Variants in GASK1A observed in about 807,000 individuals in gnomAD.
The protein encoded by GASK1A is Golgi-associated kinase 1A.
Under a neutral mutation model 41.2 loss-of-function variants are expected in GASK1A, and 40 were observed. The observed-to-expected ratio is 0.97, with a 90% CI of 0.75 to 1.27. The LOEUF (loss-of-function observed/expected upper bound fraction) is 1.27. GASK1A is among the 50% of genes most tolerant of loss of function. The pLI, the probability that GASK1A is intolerant of heterozygous loss-of-function variation, is 0.00. For synonymous variants in GASK1A, 316 were observed against 307.1 expected (o/e 1.03, Z -0.30); for missense variants, 678 against 745.1 (o/e 0.91, Z 1.05).
intron 2 of GASK1A, 131 bp from the exon 3 acceptor site, chr3:43,053,390 G>C (rs1383714644): frequency 6.8e-6 from 7 of 1,027,670 alleles, no homozygotes; most frequent in Non-Finnish European, 9.7e-6. Flanking sequence ...CCAGCACAGA[G>C]AACCAGTGAG....
rs1464366951 is a variant in GASK1A, at chr3:43,043,213, T to A, written c.1290+9660T>A. The stretch of plus-strand genomic sequence containing the variant: ...TCCCAGGCCTGTGACTGCTCCCAGT[T>A]TGGGGAAGTGTCTCTGCGCTAGGGG... On this transcript the variant is annotated intron_variant, in intron 2 of 4. Transcript: ENST00000430121. Among the ~76,000 whole-genome samples, 6 of 152,064 alleles carry A rather than the reference T, an allele frequency of 3.9e-5. No homozygotes were observed. In the South Asian group the frequency reaches 1.0e-3, roughly 26 times the overall value.
intron 1 of GASK1A, among the ~76,000 whole-genome samples, chr3:43,019,617 T>C (rs1575443662): frequency 2.0e-5 from 3 of 152,196 alleles, no homozygotes; most frequent in African/African-American, 7.2e-5. Context: ...CCCAAATCTT[T>C]GCCAGTTTAA....
chr3:43,004,396 G>A (rs1163490290), intron 1 of GASK1A, among the ~76,000 whole-genome samples: 1 of 152,142 alleles, frequency 6.6e-6, no homozygotes, highest in African/African-American at 2.4e-5. Context: ...GGATGACTAG[G>A]TTAACTGATC....
rs779035321 is a variant in GASK1A at position 43,055,548 on chromosome 3, AG to A, written c.1517+16del. ...AGGGCATAGATGGGTGAGGGTCAAA[AG>A]GGTTGGGTGGAAGTTCATGGGACTG... On this transcript the variant is annotated intron_variant, in intron 4 of 4. Transcript: ENST00000430121. 1.2e-5 allele frequency: 18 copies of A among 1,542,022 alleles called. No homozygotes were observed. Among genetic ancestry groups the A allele is most frequent in the Middle Eastern group, 3.4e-4 (2 of 5,848 alleles).
At chr3:42,989,152 C>T (rs2089327955) in intron 1 of GASK1A, among the ~76,000 whole-genome samples, 4 of 151,924 alleles carry the variant, frequency 2.6e-5, no homozygotes, top group Admixed American at 2.6e-4. Context: ...AACTGCAGCC[C>T]AGGGATAATG....
chr3:42,994,545 C>A (rs1043596645), intron 1 of GASK1A, among the ~76,000 whole-genome samples: 1 of 152,022 alleles, frequency 6.6e-6, no homozygotes, highest in Admixed American at 6.6e-5. Context: ...TTTCTGGAGG[C>A]CTCCGATGCA....
chr3:43,043,305 A>C (rs1160301839), intron 2 of GASK1A, among the ~76,000 whole-genome samples: 1 of 152,178 alleles, frequency 6.6e-6, no homozygotes, highest in Admixed American at 6.5e-5. Flanking sequence ...GCACTGCTTG[A>C]GGAGTCTTGG....
intron 1 of GASK1A, among the ~76,000 whole-genome samples, chr3:43,012,883 G>T (rs1451814617): frequency 6.6e-6 from 1 of 150,724 alleles, no homozygotes; most frequent in East Asian, 2.0e-4. Context: ...ACAGGAAGGG[G>T]CTATGTGAAG....
At chr3:42,997,435 A>C (rs200070631) in intron 1 of GASK1A, among the ~76,000 whole-genome samples, 1 of 84,236 alleles carries the variant, frequency 1.2e-5, no homozygotes, top group Admixed American at 1.4e-4. Flanking sequence ...AGAGACAGAG[A>C]GAGGGGGGGG....
intron 1 of GASK1A, among the ~76,000 whole-genome samples, chr3:42,988,022 G>T (rs1201435106): frequency 8.2e-5 from 7 of 85,806 alleles, no homozygotes; most frequent in African/African-American, 1.4e-4. Context: ...GATGGGGGTA[G>T]GATAGAGAGA....
intron 1 of GASK1A, among the ~76,000 whole-genome samples, chr3:43,023,664 A>C (rs1207514686): frequency 2.6e-5 from 4 of 152,224 alleles, no homozygotes; most frequent in Non-Finnish European, 5.9e-5. Context: ...TATAGACCAA[A>C]TTAAAAGCAT....
At chr3:43,025,291 C>A (rs2089541590) in intron 1 of GASK1A, among the ~76,000 whole-genome samples, 1 of 152,156 alleles carries the variant, frequency 6.6e-6, no homozygotes, top group African/African-American at 2.4e-5. Context: ...GAAAAATTTG[C>A]AAGACTTAGA....
chr3:43,016,301 C>G (rs541830492), intron 1 of GASK1A, among the ~76,000 whole-genome samples: 16 of 144,930 alleles, frequency 1.1e-4, no homozygotes, highest in Non-Finnish European at 2.3e-4. Context: ...CTGTGTGAAG[C>G]CATAGGTAGG....
chr3:43,055,349 C>T, intron 3 of GASK1A, 83 bp from the exon 4 acceptor site: 1 of 939,246 alleles, frequency 1.1e-6, no homozygotes, highest in Non-Finnish European at 1.7e-6. Context: ...GGCTGTCAGC[C>T]CCTTAATCTT....
At chr3:42,996,819 A>G (rs1270434588) in intron 1 of GASK1A, among the ~76,000 whole-genome samples, 1 of 152,218 alleles carries the variant, frequency 6.6e-6, no homozygotes, top group Non-Finnish European at 1.5e-5. Context: ...TGGGTGTAGG[A>G]TACTCAGTTC....
intron 1 of GASK1A, among the ~76,000 whole-genome samples, chr3:42,980,788 C>G (rs569076380): frequency 6.6e-6 from 1 of 152,098 alleles, no homozygotes; most frequent in South Asian, 2.1e-4. Flanking sequence ...TTTCTCAAAG[C>G]TGCTAAGAGA....
rs71615418 is a variant in GASK1A, at chr3:42,997,440, G to T, written c.3+17795G>T. 8.8e-4 allele frequency among the ~76,000 whole-genome samples: 133 copies of T among 151,120 alleles called. 1 individual carries two copies. In the South Asian group the frequency reaches 0.012, roughly 13 times the overall value. ...CGCATGAGAGAGAGACAGAGAGAGG[G>T]GGGGGGGATCTGGGATCCTTAGAAA... On this transcript the variant is annotated intron_variant, in intron 1 of 4. Coordinates refer to ENST00000430121, the MANE Select transcript of GASK1A (RefSeq NM_001129908.3).
Position 42,979,406 on chromosome 3 carries a change from G to A in GASK1A, c.-237G>A, listed in dbSNP as rs879368187. The A allele has an allele frequency of 1.7e-4, 70 of 404,158 alleles. No homozygotes were observed. The highest frequency in any genetic ancestry group is 2.8e-4 in the Non-Finnish European group (65 of 233,452). 25.0% of individuals were successfully genotyped at this position (404,158 alleles called of 1,614,324 possible). On this transcript the variant is annotated 5_prime_UTR_variant, in exon 1 of 5. In the 5' UTR this introduces an upstream ATG that the reference lacks. Coordinates refer to ENST00000430121, the MANE Select transcript of GASK1A (RefSeq NM_001129908.3). The stretch of plus-strand genomic sequence containing the variant: ...CCCCGTAGATCTCAGTAGATCCGGC[G>A]TGTATTCCCCACCCGCGGAGTATCC...
At position 43,056,502 on chromosome 3, in the gene GASK1A, C is replaced by A; in HGVS notation, c.*116C>A. The A allele has an allele frequency of 1.1e-6, 1 of 906,808 alleles. No individual in the cohort carries two copies. The highest frequency in any genetic ancestry group is 1.6e-6 in the Non-Finnish European group (1 of 614,104). 56.2% of individuals were successfully genotyped at this position (906,808 alleles called of 1,614,324 possible). A position where few individuals can be genotyped will look rare whatever the true frequency, so the allele number is the denominator to read the frequency against. The stretch of plus-strand genomic sequence containing the variant: ...AAGCCAGAGGGGCACAAGGATGTCA[C>A]GGGATATTTCACCTGCCTGGGATGG... On this transcript the variant is annotated 3_prime_UTR_variant, in exon 5 of 5. Transcript: ENST00000430121.
Sources: gnomAD v4.1 joint callset for allele counts (sites outside exome capture counted in the v4.1 genomes callset) on GRCh38, gnomAD v4.1.1 for gene constraint, MANE v1.5 for transcripts, NCBI Gene and HGNC (gene_info 2026-07-23, HGNC 2026-07-21) for gene names.